SOX6: variants seen among roughly 807,000 people sequenced by gnomAD.
SOX6 encodes SRY-box transcription factor 6.
In SOX6, 11 loss-of-function variants were observed where a neutral mutation model predicts 97.8. That is an observed-to-expected ratio of 0.11 (90% confidence interval 0.07 to 0.19). The LOEUF is 0.19. Ranked by LOEUF, SOX6 falls within the 10% of genes least tolerant of loss-of-function variation. The pLI is 1.00. For missense variants in SOX6, 810 were observed against 1,039.5 expected (o/e 0.78, Z 3.04); for synonymous variants, 360 against 371.4 (o/e 0.97, Z 0.35).
At chr11:16,566,355 TTGAA>T (rs2133195666) in intron 4 of SOX6, among the ~76,000 whole-genome samples, 2 of 152,338 alleles carry the variant, frequency 1.3e-5, no homozygotes, top group South Asian at 4.1e-4. Flanking sequence ...CTACCAAACT[TTGAA>T]ATATTTAACT....
intron 7 of SOX6, among the ~76,000 whole-genome samples, chr11:16,106,937 C>G (rs892140213): frequency 1.3e-5 from 2 of 152,008 alleles, no homozygotes; most frequent in Non-Finnish European, 2.9e-5. Flanking sequence ...CTTGAATAGA[C>G]AGTTCTCCAC....
intron 6 of SOX6, among the ~76,000 whole-genome samples, chr11:16,138,092 G>A (rs752550148): frequency 1.1e-4 from 17 of 152,098 alleles, no homozygotes; most frequent in Admixed American, 2.0e-4. Flanking sequence ...ATTTACTATA[G>A]ATACCTACCA....
chr11:16,195,637 A>G (rs1400638476), intron 4 of SOX6, among the ~76,000 whole-genome samples: 1 of 152,230 alleles, frequency 6.6e-6, no homozygotes, highest in Admixed American at 6.5e-5. Flanking sequence ...TCTAGAAATT[A>G]GCAGCAAGCC....
At chr11:16,660,383 T>A (rs1033416102) in intron 3 of SOX6, among the ~76,000 whole-genome samples, 1 of 152,220 alleles carries the variant, frequency 6.6e-6, no homozygotes, top group African/African-American at 2.4e-5. Flanking sequence ...TGTTGTTTCA[T>A]CTCCAAACAT....
At chr11:16,518,358 C>T (rs917309367) in intron 4 of SOX6, among the ~76,000 whole-genome samples, 1 of 152,312 alleles carries the variant, frequency 6.6e-6, no homozygotes, top group Non-Finnish European at 1.5e-5. Context: ...ACGAAGCCCT[C>T]CTGAAAGTTA....
At chr11:16,259,375 A>G (rs916115289) in intron 3 of SOX6, among the ~76,000 whole-genome samples, 6 of 152,046 alleles carry the variant, frequency 3.9e-5, no homozygotes, top group Non-Finnish European at 5.9e-5. Flanking sequence ...TGATATATAA[A>G]CACATTGCAA....
At chr11:16,028,901 G>A (rs1382260742) in intron 12 of SOX6, among the ~76,000 whole-genome samples, 2 of 152,154 alleles carry the variant, frequency 1.3e-5, no homozygotes, top group Non-Finnish European at 2.9e-5. Flanking sequence ...ACAATGTAAT[G>A]TATATTTTGG....
At chr11:16,737,241 C>T (rs964417843) in intron 1 of SOX6, among the ~76,000 whole-genome samples, 1 of 152,224 alleles carries the variant, frequency 6.6e-6, no homozygotes, top group Non-Finnish European at 1.5e-5. Context: ...GAGTCTCGTT[C>T]TGTCACCCAG....
At chr11:16,545,040 G>A (rs964376275) in intron 4 of SOX6, among the ~76,000 whole-genome samples, 4 of 151,920 alleles carry the variant, frequency 2.6e-5, no homozygotes, top group Non-Finnish European at 5.9e-5. Context: ...CTAGGCAAGA[G>A]AGCAAGACCC....
At position 15,989,211 on chromosome 11, in the gene SOX6, G is replaced by A. The variant is rs936940919; in HGVS notation, c.1752C>T (p.Gly584=). The change falls in exon 14 of 16, where the codon GGC becomes GGT. Residue 584 remains glycine, a synonymous_variant. Transcript: ENST00000683767. Reference sequence around the variant, plus strand: ...AATACTGCTGTAGTTTAGCTGCAGAGCCATTCATTGCTTTACTTCCTGTAA... The same window carrying A: ...AATACTGCTGTAGTTTAGCTGCAGAACCATTCATTGCTTTACTTCCTGTAA... ...EDAEGSKAMN[G]SAAKLQQYYC... is the part of the protein sequence containing the mutation. The A allele has an allele frequency of 1.6e-5, 25 of 1,606,208 alleles. No homozygotes were observed. The highest frequency in any genetic ancestry group is 2.1e-5 in the Non-Finnish European group (25 of 1,173,918).
At chr11:16,367,912 G>A (rs1050727879) in intron 1 of SOX6, among the ~76,000 whole-genome samples, 12 of 151,774 alleles carry the variant, frequency 7.9e-5, no homozygotes, top group Admixed American at 2.6e-4. Flanking sequence ...TCATCAGTGG[G>A]TTCTTGGAAA....
intron 4 of SOX6, among the ~76,000 whole-genome samples, chr11:16,203,366 A>G (rs1294304418): frequency 1.3e-5 from 2 of 152,194 alleles, no homozygotes. Flanking sequence ...ACTCTTCTAC[A>G]TGGCAAGGAG....
intron 3 of SOX6, among the ~76,000 whole-genome samples, chr11:16,714,524 T>G (rs1848204827): frequency 6.8e-6 from 1 of 147,950 alleles, no homozygotes; most frequent in Non-Finnish European, 1.5e-5. Flanking sequence ...GCATCTCGGC[T>G]CACTGCAACC....
intron 9 of SOX6, among the ~76,000 whole-genome samples, chr11:16,089,550 CA>C (rs1190694672): frequency 6.6e-6 from 1 of 152,072 alleles, no homozygotes; most frequent in Admixed American, 6.6e-5. Flanking sequence ...TAATCTAGAA[CA>C]GCTAAAATAA....
intron 3 of SOX6, among the ~76,000 whole-genome samples, chr11:16,241,826 C>G (rs1236696641): frequency 6.6e-6 from 1 of 151,694 alleles, no homozygotes; most frequent in Admixed American, 6.6e-5. Context: ...TGAATGAAGC[C>G]AAAAATAGAA....
chr11:16,379,346 A>G (rs1053022020), intron 1 of SOX6, among the ~76,000 whole-genome samples: 6 of 152,056 alleles, frequency 3.9e-5, no homozygotes, highest in Non-Finnish European at 5.9e-5. Context: ...CATGCCTGTA[A>G]TCCCAGCTAC....
intron 6 of SOX6, among the ~76,000 whole-genome samples, chr11:16,152,188 G>A (rs1589977715): frequency 6.6e-6 from 1 of 152,100 alleles, no homozygotes; most frequent in African/African-American, 2.4e-5. Context: ...AGACACAGTG[G>A]TTCTTTTTTA....
At chr11:15,994,473 A>C (rs1854163574) in intron 13 of SOX6, among the ~76,000 whole-genome samples, 1 of 151,782 alleles carries the variant, frequency 6.6e-6, no homozygotes, top group African/African-American at 2.4e-5. Flanking sequence ...AGATGAAATT[A>C]GAAAAGTAAA....
intron 3 of SOX6, among the ~76,000 whole-genome samples, chr11:16,255,348 C>T (rs11512059): frequency 0.055 from 8,382 of 152,058 alleles, 299 homozygotes; most frequent in Non-Finnish European, 0.08. Context: ...CCAAAACAGA[C>T]CACATTCTGG....
Sources: allele counts gnomAD v4.1 joint callset (sites outside exome capture counted in the v4.1 genomes callset), GRCh38; gene constraint gnomAD v4.1.1; transcripts MANE v1.5; gene names NCBI Gene and HGNC (gene_info 2026-07-23, HGNC 2026-07-21).